The following VPS35L variants were observed in gnomAD, a reference collection of about 807,000 sequenced individuals.
VPS35L encodes VPS35 endosomal protein sorting factor like, also known as VPS35 endosomal protein-sorting factor-like.
VPS35L carries 83 observed loss-of-function variants against 133.0 expected under a neutral mutation model. That is an observed-to-expected ratio of 0.62 (90% CI 0.52 to 0.75). The LOEUF is 0.75. Ranked by LOEUF, VPS35L falls within the 30% of genes least tolerant of loss-of-function variation. The pLI, the probability that VPS35L is intolerant of heterozygous loss-of-function variation, is 0.00. For synonymous variants in VPS35L, 423 were observed against 449.9 expected (o/e 0.94, Z 0.76); for missense variants, 1,083 against 1,206.8 (o/e 0.90, Z 1.52).
intron 8 of VPS35L, among the ~76,000 whole-genome samples, chr16:19,595,330 TG>T (rs1190217962): frequency 1.3e-5 from 2 of 151,960 alleles, no homozygotes; most frequent in African/African-American, 4.8e-5. Context: ...GCGGTGGAGA[TG>T]GTGAGGAGAG....
At chr16:19,673,525 ATTATTCCTTGAACAGATTTGAGTTAT>A (rs1243958311) in intron 27 of VPS35L, among the ~76,000 whole-genome samples, 2 of 152,218 alleles carry the variant, frequency 1.3e-5, no homozygotes, top group African/African-American at 4.8e-5. Flanking sequence ...CAACAGATTC[ATTATTCCTTGAACAGATTTGAGTTAT>A]TTATTCCTTG....
At position 19,629,825 on chromosome 16, in the gene VPS35L, G is replaced by T. The variant is rs139418461; in HGVS notation, c.1554+5G>T. The T allele has an allele frequency of 1.7e-4, 282 of 1,612,528 alleles. 2 individuals carry two copies. The East Asian group carries it at 5.6e-3, about 32-fold the overall frequency. ...TACACCTGCAAGCATTTCACGGTAT[G>T]TGTGACTGTGGTATTGTTTTTGAAA... On this transcript the variant is annotated splice_donor_5th_base_variant and intron_variant, in intron 18 of 30. Coordinates refer to ENST00000417362, the MANE Select transcript of VPS35L (RefSeq NM_020314.7).
At chr16:19,677,959 T>G (rs927934069) in intron 27 of VPS35L, among the ~76,000 whole-genome samples, 1 of 152,196 alleles carries the variant, frequency 6.6e-6, no homozygotes, top group African/African-American at 2.4e-5. Flanking sequence ...CACCCTCGTT[T>G]CACAGAAGTG....
At position 19,627,811 on chromosome 16, in the gene VPS35L, C is replaced by T. The variant is rs768747230; in HGVS notation, c.1383+6C>T. The T allele has an allele frequency of 5.7e-6, 9 of 1,583,546 alleles. No individual in the cohort carries two copies. The highest frequency in any genetic ancestry group is 7.8e-6 in the Non-Finnish European group (9 of 1,152,376). ...ATGAATCTGGTTTCCCCAAGGTAGGCTCTTGACTTCATGCTCAGTAGGACA... is the reference window on the plus strand; with the variant it reads ...ATGAATCTGGTTTCCCCAAGGTAGGTTCTTGACTTCATGCTCAGTAGGACA... On this transcript the variant is annotated splice_donor_region_variant and intron_variant, in intron 16 of 30. Transcript: ENST00000417362.
intron 8 of VPS35L, among the ~76,000 whole-genome samples, chr16:19,594,045 T>C (rs1185232188): frequency 1.3e-5 from 2 of 152,204 alleles, no homozygotes; most frequent in African/African-American, 4.8e-5. Flanking sequence ...AAAGAGCTAC[T>C]TTCTCCAAGC....
intron 29 of VPS35L, among the ~76,000 whole-genome samples, chr16:19,693,001 A>C (rs1334086918): frequency 1.3e-5 from 2 of 152,216 alleles, no homozygotes; most frequent in African/African-American, 2.4e-5. Flanking sequence ...CTACATACCC[A>C]ACAGTTGCAG....
chr16:19,642,275 G>T lies in VPS35L; in HGVS notation c.1785-121G>T. Reference sequence around the variant, plus strand: ...GCTCGTTACTGGTAAACTGGGCTGGGTGAAATGCCAGCTGGATAATTTGCT... The same window carrying T: ...GCTCGTTACTGGTAAACTGGGCTGGTTGAAATGCCAGCTGGATAATTTGCT... On this transcript the variant is annotated intron_variant, in intron 21 of 30. Coordinates refer to ENST00000417362, the MANE Select transcript of VPS35L (RefSeq NM_020314.7). 3 of 764,632 alleles carry T rather than the reference G, an allele frequency of 3.9e-6. No homozygotes were observed. The South Asian group carries it at 5.6e-5, about 14-fold the overall frequency. The allele number at this position is 764,632 out of a possible 1,614,324, so 47.4% of individuals were successfully genotyped here.
intron 10 of VPS35L, chr16:19,608,705 T>C: frequency 2.2e-6 from 1 of 452,088 alleles, no homozygotes; most frequent in Non-Finnish European, 3.9e-6. Flanking sequence ...CATAAAGCAT[T>C]GATTAGAAAT....
chr16:19,570,881 A>ATTTTTTTTTTT (rs1567388851), intron 3 of VPS35L, among the ~76,000 whole-genome samples: 2 of 64,302 alleles, frequency 3.1e-5, no homozygotes, highest in African/African-American at 1.6e-4. Context: ...ATATATATAT[A>ATTTTTTTTTTT]TATATATATT....
At chr16:19,670,272 G>A (rs1974832009) in intron 27 of VPS35L, among the ~76,000 whole-genome samples, 1 of 152,186 alleles carries the variant, frequency 6.6e-6, no homozygotes, top group South Asian at 2.1e-4. Flanking sequence ...ATTTGCAGGG[G>A]GATACAAATA....
chr16:19,586,292 G>A lies in VPS35L; in HGVS notation c.639+4639G>A, dbSNP rs73533709. ...GGCTTGTCTTTTTGTTTTCATAATTGTGTCTTTGAAGTGTGGAAGTATGTA... is the reference window on the plus strand; with the variant it reads ...GGCTTGTCTTTTTGTTTTCATAATTATGTCTTTGAAGTGTGGAAGTATGTA... On this transcript the variant is annotated intron_variant, in intron 7 of 30. Transcript: ENST00000417362. 5.9e-3 allele frequency among the ~76,000 whole-genome samples: 903 copies of A among 152,042 alleles called. 10 individuals carry two copies. Among genetic ancestry groups the A allele is most frequent in the African/African-American group, 0.02 (839 of 41,504 alleles).
chr16:19,700,067 A>G (rs1427243724), intron 30 of VPS35L, among the ~76,000 whole-genome samples: 2 of 152,256 alleles, frequency 1.3e-5, no homozygotes, highest in Non-Finnish European at 2.9e-5. Flanking sequence ...GCTGCACTCC[A>G]GCCTGGGTGA....
intron 7 of VPS35L, among the ~76,000 whole-genome samples, chr16:19,591,316 T>C (rs1166267014): frequency 6.6e-6 from 1 of 152,132 alleles, no homozygotes; most frequent in African/African-American, 2.4e-5. Context: ...ATGAGAGAGA[T>C]GTCATTCACT....
At chr16:19,590,007 G>T (rs765739757) in intron 7 of VPS35L, among the ~76,000 whole-genome samples, 10 of 152,112 alleles carry the variant, frequency 6.6e-5, no homozygotes, top group African/African-American at 9.7e-5. Flanking sequence ...GGGGGCAGCT[G>T]TTTAAGTTGG....
intron 14 of VPS35L, among the ~76,000 whole-genome samples, chr16:19,620,282 A>G (rs1483475983): frequency 6.6e-6 from 1 of 152,166 alleles, no homozygotes; most frequent in Non-Finnish European, 1.5e-5. Context: ...TGGTTCTCCA[A>G]CTCCATATAT....
intron 27 of VPS35L, among the ~76,000 whole-genome samples, chr16:19,680,618 AAAC>A (rs2151616508): frequency 6.6e-6 from 1 of 152,302 alleles, no homozygotes; most frequent in African/African-American, 2.4e-5. Context: ...GCTCTGTAAA[AAAC>A]AACACAGAGG....
intron 28 of VPS35L, among the ~76,000 whole-genome samples, chr16:19,686,686 A>G (rs1008944129): frequency 6.6e-6 from 1 of 152,134 alleles, no homozygotes. Context: ...AAGGCCCCCA[A>G]TACACTCTGA....
At position 19,640,028 on chromosome 16, in the gene VPS35L, C is replaced by T. The variant is rs766501575; in HGVS notation, c.1712C>T (p.Pro571Leu). Residue 571 changes from proline (P) to leucine (L), a missense_variant, in exon 21 of 31, where the codon CCG becomes CTG. Physicochemically the swap from Pro to Leu is moderately conservative, Grantham distance 98. Coordinates refer to ENST00000417362, the MANE Select transcript of VPS35L (RefSeq NM_020314.7). The part of the protein sequence containing the change: ...SVLFSVEKFL[P>L]FLDMFQKESV... ...CTTTATTTATAGGAAAAATTTCTGCCGTTTCTGGACATGTTCCAAAAAGAG... is the reference window on the plus strand; with the variant it reads ...CTTTATTTATAGGAAAAATTTCTGCTGTTTCTGGACATGTTCCAAAAAGAG... 16 of 1,613,946 alleles carry T rather than the reference C, an allele frequency of 9.9e-6. No individual in the cohort carries two copies. Among genetic ancestry groups the T allele is most frequent in the East Asian group, 8.9e-5 (4 of 44,894 alleles).
At chr16:19,610,230 A>G (rs563125117) in intron 11 of VPS35L, 92 bp from the exon 12 acceptor site, 16 of 1,105,980 alleles carry the variant, frequency 1.4e-5, no homozygotes, top group Non-Finnish European at 2.1e-5. Context: ...CCCCTCCCTG[A>G]AATTTAGGAA....
Sources: allele counts gnomAD v4.1 joint callset (sites outside exome capture counted in the v4.1 genomes callset), GRCh38; gene constraint gnomAD v4.1.1; transcripts MANE v1.5; gene names NCBI Gene and HGNC (gene_info 2026-07-23, HGNC 2026-07-21).